Variants in TMPRSS7 observed in about 807,000 individuals in gnomAD.
The protein encoded by TMPRSS7 is transmembrane protease serine 7.
TMPRSS7 carries 81 observed loss-of-function variants against 95.6 expected under a neutral mutation model. That is an observed-to-expected ratio of 0.85 (90% confidence interval 0.71 to 1.02). The LOEUF is 1.02. Ranked by LOEUF, TMPRSS7 falls within the 50% of genes least tolerant of loss-of-function variation. The pLI is 0.00. For missense variants in TMPRSS7, 945 were observed against 955.2 expected (o/e 0.99, Z 0.14); for synonymous variants, 364 against 337.8 (o/e 1.08, Z -0.85).
chr3:112,081,203 C>T (rs867013056), downstream of TMPRSS7: 132 of 867,126 alleles, frequency 1.5e-4, no homozygotes, highest in South Asian at 2.6e-3. Context: ...GAGGCCGAGG[C>T]GGGCAGATCA....
intron 13 of TMPRSS7, among the ~76,000 whole-genome samples, chr3:112,069,623 A>T (rs375485072): frequency 7.2e-5 from 11 of 152,310 alleles, no homozygotes; most frequent in East Asian, 3.9e-4. Context: ...AGAGGTGTTT[A>T]TAGTATTCTC....
At chr3:112,057,540 G>C (rs556116110) in intron 10 of TMPRSS7, among the ~76,000 whole-genome samples, 1 of 152,262 alleles carries the variant, frequency 6.6e-6, no homozygotes, top group East Asian at 1.9e-4. Flanking sequence ...ACTGGGAAAT[G>C]GGTTGAAGCT....
chr3:112,044,834 A>T (rs1339499350), intron 4 of TMPRSS7, among the ~76,000 whole-genome samples: 1 of 152,002 alleles, frequency 6.6e-6, no homozygotes, highest in Non-Finnish European at 1.5e-5. Context: ...GCCTTGGAGT[A>T]TAGCAACTTG....
chr3:112,040,433 C>T (rs905264052), intron 2 of TMPRSS7, among the ~76,000 whole-genome samples: 6 of 152,112 alleles, frequency 3.9e-5, no homozygotes, highest in Non-Finnish European at 5.9e-5. Context: ...AACTGGTTCC[C>T]GAACATTCAT....
intron 13 of TMPRSS7, among the ~76,000 whole-genome samples, chr3:112,073,038 T>C (rs190302608): frequency 7.9e-5 from 12 of 151,986 alleles, no homozygotes; most frequent in Admixed American, 2.0e-4. Flanking sequence ...GCCAACAGTG[T>C]AAAAGTGTCC....
At chr3:112,067,244 G>C (rs1404110674) in intron 13 of TMPRSS7, among the ~76,000 whole-genome samples, 1 of 152,198 alleles carries the variant, frequency 6.6e-6, no homozygotes, top group Non-Finnish European at 1.5e-5. Flanking sequence ...GGACGTTTGG[G>C]TTGGGTCCAA....
chr3:112,054,729 CTTTTTTTTTT>C (rs1161735611), intron 9 of TMPRSS7, among the ~76,000 whole-genome samples: 3 of 49,010 alleles, frequency 6.1e-5, no homozygotes, highest in African/African-American at 7.7e-5. Context: ...TCTCAGTTTG[CTTTTTTTTTT>C]TTTTTTTTTT....
In TMPRSS7 at chr3:112,061,933, G is replaced by A. The variant is rs199807220; in HGVS notation, c.1447+10G>A. On this transcript the variant is annotated intron_variant, in intron 11 of 17. Transcript: ENST00000452346. ...TACAACATCAGTCAACGTAAGCCTA[G>A]GATCACCTCCTTAGGAAAACTTAAT... is the stretch of plus-strand genomic sequence containing the variant. 3.2e-5 allele frequency: 51 copies of A among 1,591,836 alleles called. 2 individuals are homozygous for A. The Admixed American group carries it at 5.0e-4, about 16-fold the overall frequency.
At chr3:112,053,324 AC>A (rs777837732) in intron 9 of TMPRSS7, among the ~76,000 whole-genome samples, 1 of 152,066 alleles carries the variant, frequency 6.6e-6, no homozygotes. Context: ...AGAGCAGTCA[AC>A]CCCCTTTGCA....
intron 13 of TMPRSS7, 100 bp from the exon 14 acceptor site, chr3:112,074,196 A>T: frequency 2.4e-6 from 2 of 824,578 alleles, no homozygotes; most frequent in Non-Finnish European, 4.0e-6. Flanking sequence ...TCCTGTGATT[A>T]AACCATTTTT....
chr3:112,068,208 T>C (rs1161169788), intron 13 of TMPRSS7, among the ~76,000 whole-genome samples: 1 of 152,210 alleles, frequency 6.6e-6, no homozygotes, highest in Non-Finnish European at 1.5e-5. Flanking sequence ...ACCAGCACCA[T>C]GCTGTTTTGG....
chr3:112,049,318 T>G (rs1270198972), intron 7 of TMPRSS7, among the ~76,000 whole-genome samples: 2 of 152,214 alleles, frequency 1.3e-5, no homozygotes, highest in Admixed American at 6.5e-5. Flanking sequence ...AATCCCTGCT[T>G]TCCTTTCTCA....
intron 11 of TMPRSS7, among the ~76,000 whole-genome samples, 178 bp from the exon 12 acceptor site, chr3:112,063,344 TGTG>T (rs2073535856): frequency 6.6e-6 from 1 of 152,240 alleles, no homozygotes; most frequent in African/African-American, 2.4e-5. Flanking sequence ...TTTGCTCTTC[TGTG>T]TTCCGCTTTT....
At chr3:112,080,366 CTCT>C (rs1349018560) in intron 17 of TMPRSS7, among the ~76,000 whole-genome samples, 9 of 152,184 alleles carry the variant, frequency 5.9e-5, no homozygotes, top group Admixed American at 1.3e-4. Flanking sequence ...CTAAACAGGT[CTCT>C]TCTTCTCCAT....
intron 11 of TMPRSS7, among the ~76,000 whole-genome samples, chr3:112,063,071 G>C (rs913879088): frequency 4.6e-5 from 7 of 152,204 alleles, no homozygotes; most frequent in Non-Finnish European, 1.5e-5. Flanking sequence ...ACTTGAAAAT[G>C]TAATTTAAGA....
At chr3:112,047,463 T>A (rs1411382236) in intron 6 of TMPRSS7, 1 of 596,766 alleles carries the variant, frequency 1.7e-6, no homozygotes, top group South Asian at 1.5e-5. Context: ...ATTCTTGAAA[T>A]GACTTCTTTG....
At chr3:112,066,775 C>CT (rs63619161) in intron 13 of TMPRSS7, among the ~76,000 whole-genome samples, 3 of 149,592 alleles carry the variant, frequency 2.0e-5, no homozygotes, top group African/African-American at 4.9e-5. Context: ...GCAGATTCTC[C>CT]TTTTTTTTTT....
intron 3 of TMPRSS7, among the ~76,000 whole-genome samples, chr3:112,042,397 A>T (rs2073219836): frequency 1.3e-5 from 2 of 152,216 alleles, no homozygotes; most frequent in Non-Finnish European, 2.9e-5. Flanking sequence ...GTACACATTT[A>T]TTTCAACCTT....
chr3:112,064,969 A>C lies in TMPRSS7; in HGVS notation c.1555+1337A>C, dbSNP rs561416016. Among the ~76,000 whole-genome samples the C allele has an allele frequency of 5.9e-5, 9 of 152,356 alleles. No individual in the cohort carries two copies. The South Asian group carries it at 1.9e-3, about 32-fold the overall frequency. ...TATTTAATCTTTTGTGTATCCTTGG[A>C]AAAATATAGTTAATATGCTATATCT... On this transcript the variant is annotated intron_variant, in intron 12 of 17. Coordinates refer to ENST00000452346, the Ensembl canonical transcript of TMPRSS7.
Sources: allele counts gnomAD v4.1 joint callset (sites outside exome capture counted in the v4.1 genomes callset), GRCh38; gene constraint gnomAD v4.1.1; transcripts MANE v1.5; gene names NCBI Gene and HGNC (gene_info 2026-07-23, HGNC 2026-07-21).